PRKD1: variants seen among roughly 807,000 people sequenced by gnomAD.
PRKD1 encodes the protein serine/threonine-protein kinase D1.
Under a neutral mutation model 95.9 loss-of-function variants are expected in PRKD1, and 63 were observed. The observed-to-expected ratio is 0.66, with a 90% CI of 0.54 to 0.81. The LOEUF (loss-of-function observed/expected upper bound fraction) is 0.81. Ranked by LOEUF, PRKD1 falls within the 30% of genes least tolerant of loss-of-function variation. PRKD1 has a pLI of 0.00. For synonymous variants in PRKD1, 425 were observed against 423.1 expected, an observed-to-expected ratio of 1.00 and a Z score of -0.05; for missense variants, 1,048 against 1,165.3, an observed-to-expected ratio of 0.90 and a Z score of 1.47.
At chr14:29,793,412 T>C (rs949209259) in intron 1 of PRKD1, among the ~76,000 whole-genome samples, 2 of 152,068 alleles carry the variant, frequency 1.3e-5, no homozygotes, top group Non-Finnish European at 2.9e-5. Flanking sequence ...ACATTCTTCT[T>C]AAAGAAAACA....
At chr14:29,663,906 A>C in intron 3 of PRKD1, 47 bp from the exon 4 acceptor site, 1 of 1,563,440 alleles carries the variant, frequency 6.4e-7, no homozygotes. Flanking sequence ...ATAAATTAAA[A>C]AGTGATTCCA....
chr14:29,665,012 T>C (rs1882405429), intron 3 of PRKD1, among the ~76,000 whole-genome samples: 1 of 152,160 alleles, frequency 6.6e-6, no homozygotes, highest in Admixed American at 6.5e-5. Context: ...GAGCACCATA[T>C]AGGGGTGAAA....
chr14:29,584,537 A>AT (rs1449424666), intron 16 of PRKD1, among the ~76,000 whole-genome samples: 1 of 151,806 alleles, frequency 6.6e-6, no homozygotes, highest in African/African-American at 2.4e-5. Flanking sequence ...TTGGGTATTC[A>AT]TTTTTTTTCG....
chr14:29,814,016 A>G (rs1324783349), intron 1 of PRKD1, among the ~76,000 whole-genome samples: 1 of 152,210 alleles, frequency 6.6e-6, no homozygotes, highest in African/African-American at 2.4e-5. Context: ...TACTTTGGGT[A>G]ATTACATACT....
At chr14:29,914,120 C>T (rs1260405669) in intron 1 of PRKD1, among the ~76,000 whole-genome samples, 2 of 152,182 alleles carry the variant, frequency 1.3e-5, no homozygotes. Flanking sequence ...TAGGTCAAGT[C>T]ATCTCTCTTT....
chr14:29,908,012 G>A (rs756875347), intron 1 of PRKD1, among the ~76,000 whole-genome samples: 10 of 151,988 alleles, frequency 6.6e-5, no homozygotes, highest in Admixed American at 2.0e-4. Flanking sequence ...TTTGTTCACC[G>A]TGAAACTGTT....
chr14:29,750,991 CT>C (rs1457851018), intron 1 of PRKD1, among the ~76,000 whole-genome samples: 1 of 152,058 alleles, frequency 6.6e-6, no homozygotes, highest in Non-Finnish European at 1.5e-5. Flanking sequence ...TGGCATTTCA[CT>C]TTTTTGTGGA....
chr14:29,864,266 T>C (rs1485837255), intron 1 of PRKD1, among the ~76,000 whole-genome samples: 2 of 151,882 alleles, frequency 1.3e-5, no homozygotes, highest in Admixed American at 6.6e-5. Flanking sequence ...AAAGAACATA[T>C]ATATATATTA....
At chr14:29,888,931 G>C (rs914646496) in intron 1 of PRKD1, among the ~76,000 whole-genome samples, 1 of 152,186 alleles carries the variant, frequency 6.6e-6, no homozygotes, top group Non-Finnish European at 1.5e-5. Flanking sequence ...GGCAAAGCTA[G>C]CTCTTTATTG....
rs538911052 is a variant in PRKD1 at position 29,791,125 on chromosome 14, A to G, written c.265-65451T>C. Among the ~76,000 whole-genome samples the G allele has an allele frequency of 5.3e-5, 8 of 152,312 alleles. No individual in the cohort carries two copies. In the East Asian group the frequency reaches 1.2e-3, roughly 22 times the overall value. On this transcript the variant is annotated intron_variant, in intron 1 of 17. Transcript: ENST00000331968. ...AACCAGTGTATAAACCAATCTTTAA[A>G]TATACACAGAGATTTTCCCATCTAA...
chr14:29,755,148 T>G (rs544652741), intron 1 of PRKD1, among the ~76,000 whole-genome samples: 14 of 152,154 alleles, frequency 9.2e-5, no homozygotes, highest in African/African-American at 2.9e-4. Flanking sequence ...TAACTCTTCA[T>G]AGCTTTTAAC....
Position 29,927,699 on chromosome 14 carries a change from A to C in PRKD1, c.-187T>G. On this transcript the variant is annotated 5_prime_UTR_variant, in exon 1 of 18. Transcript: ENST00000331968. ...TGAGGATCGGGAGGGGAGGGGACTA[A>C]GGGGAGGAGATGGGGAGGAGGGAAA... 2.8e-5 allele frequency: 5 copies of C among 181,032 alleles called. No individual in the cohort carries two copies. The highest frequency in any genetic ancestry group is 5.2e-5 in the Non-Finnish European group (5 of 95,240). 11.2% of individuals were successfully genotyped at this position (181,032 alleles called of 1,614,324 possible).
At chr14:29,841,625 T>C (rs967654086) in intron 1 of PRKD1, among the ~76,000 whole-genome samples, 3 of 152,152 alleles carry the variant, frequency 2.0e-5, no homozygotes, top group African/African-American at 7.2e-5. Flanking sequence ...TTATGAGGCC[T>C]CCCCAGCCAT....
intron 14 of PRKD1, 102 bp downstream of exon 14, chr14:29,599,554 T>C (rs1893437135): frequency 1.8e-6 from 2 of 1,096,412 alleles, no homozygotes; most frequent in Non-Finnish European, 2.6e-6. Context: ...TAGTTTAGAC[T>C]GGAGGTAGGG....
At chr14:29,920,804 T>G (rs935046418) in intron 1 of PRKD1, among the ~76,000 whole-genome samples, 1 of 152,214 alleles carries the variant, frequency 6.6e-6, no homozygotes, top group African/African-American at 2.4e-5. Flanking sequence ...ACTCAATTGT[T>G]TCCCAGTAAA....
intron 9 of PRKD1, among the ~76,000 whole-genome samples, chr14:29,632,000 C>T (rs1880037687): frequency 6.6e-6 from 1 of 151,708 alleles, no homozygotes; most frequent in African/African-American, 2.4e-5. Context: ...AAGGTTTCAC[C>T]ATGTTGGCCA....
intron 1 of PRKD1, among the ~76,000 whole-genome samples, chr14:29,791,913 C>T (rs188865295): frequency 2.0e-5 from 3 of 152,142 alleles, no homozygotes; most frequent in Admixed American, 1.3e-4. Context: ...TAAAAGTTGC[C>T]GAACTGTTTT....
intron 1 of PRKD1, among the ~76,000 whole-genome samples, chr14:29,874,941 T>C (rs1465834793): frequency 6.6e-6 from 1 of 152,160 alleles, no homozygotes; most frequent in Non-Finnish European, 1.5e-5. Flanking sequence ...AGGGTGACTA[T>C]AGTTAGCAAC....
chr14:29,805,806 TTCATTATCAACA>T (rs1228557744), intron 1 of PRKD1, among the ~76,000 whole-genome samples: 1 of 152,226 alleles, frequency 6.6e-6, no homozygotes, highest in Non-Finnish European at 1.5e-5. Context: ...ATGATCACTT[TTCATTATCAACA>T]GAAAGTGTGA....
Sources: allele counts gnomAD v4.1 joint callset (sites outside exome capture counted in the v4.1 genomes callset), GRCh38; gene constraint gnomAD v4.1.1; transcripts MANE v1.5; gene names NCBI Gene and HGNC (gene_info 2026-07-23, HGNC 2026-07-21).